RASIP1: variants seen among roughly 807,000 people sequenced by gnomAD.
The protein encoded by RASIP1 is Ras interacting protein 1, also known as ras-interacting protein 1.
A neutral mutation model predicts 85.3 loss-of-function variants in RASIP1; 20 were observed. The ratio of observed to expected loss-of-function variants is 0.23; its 90% CI spans 0.17 to 0.34. The LOEUF is 0.34. RASIP1 is among the 10% of genes least tolerant of loss of function. The pLI, the probability that RASIP1 is intolerant of heterozygous loss-of-function variation, is 1.00. For synonymous variants in RASIP1, 617 were observed against 647.1 expected (o/e 0.95, Z 0.71); for missense variants, 1,170 against 1,390.9 (o/e 0.84, Z 2.53).
At chr19:48,727,869 G>C (rs1411370741) in intron 5 of RASIP1, among the ~76,000 whole-genome samples, 2 of 151,488 alleles carry the variant, frequency 1.3e-5, no homozygotes, top group Non-Finnish European at 2.9e-5. Flanking sequence ...TGCATTTTTA[G>C]TAGAGACGGG....
At position 48,724,501 on chromosome 19, in the gene RASIP1, G is replaced by A. The variant is rs749820608; in HGVS notation, c.2380C>T (p.Arg794Trp). 7.3e-5 allele frequency: 118 copies of A among 1,613,748 alleles called. No homozygotes were observed. Among genetic ancestry groups the A allele is most frequent in the Non-Finnish European group, 8.6e-5 (102 of 1,179,884 alleles). ...GCTCGGGACCATTGATAGAAAGGCC[G>A]GCCTTGACCTGTGGGTGTTAAAGGT... ...LNSLMERGQG[R>W]PFYQWSRAVQ... is the part of the protein sequence containing the mutation. Residue 794 changes from arginine to tryptophan, a missense_variant, in exon 10 of 12, where the codon CGG becomes TGG. By Grantham distance (101) the Arg-to-Trp change is moderately radical. This residue lies in a region of RASIP1 where 426 missense variants were observed against 576.2 expected (regional missense o/e 0.74). Transcript: ENST00000222145. This position sits in a 1 kb window ranked among gnomAD's most constrained non-coding sequence, Gnocchi z 4.6.
At chr19:48,728,189 T>C (rs951025912) in intron 5 of RASIP1, among the ~76,000 whole-genome samples, 3 of 152,186 alleles carry the variant, frequency 2.0e-5, no homozygotes, top group Admixed American at 1.3e-4. Context: ...GGTTTCTTTC[T>C]GGAACTTCCA....
rs1163089084 is a variant in RASIP1, at chr19:48,729,542, C to T, written c.1228G>A (p.Gly410Ser). The T allele has an allele frequency of 2.5e-6, 4 of 1,602,698 alleles. No individual in the cohort carries two copies. Among genetic ancestry groups the T allele is most frequent in the Non-Finnish European group, 3.4e-6 (4 of 1,175,094 alleles). The change falls in exon 5 of 12, where the codon GGT (glycine) becomes AGT (serine). Residue 410 changes from glycine to serine, a missense_variant. By Grantham distance (56) the Gly-to-Ser change is moderately conservative. Transcript: ENST00000222145. The stretch of plus-strand genomic sequence containing the variant: ...CCCCCGCGGCCAGACGAGTTCCCAC[C>T]TCGCCCAAACACGTGCTGCTCTCGC... ...MTREQHVFGR[G>S]GNSSGRGGSP...
At chr19:48,725,633 A>T (rs2033329875) in intron 8 of RASIP1, 1 of 152,254 alleles carries the variant, frequency 6.6e-6, no homozygotes, top group Admixed American at 6.5e-5. Flanking sequence ...GCACTCAGAG[A>T]AAAAGATCTG....
Position 48,739,495 on chromosome 19 carries a change from C to T in RASIP1, c.288G>A (p.Ser96=), listed in dbSNP as rs528836672. The change falls in exon 3 of 12, where the codon TCG becomes TCA. Residue 96 remains serine (S), a synonymous_variant. Coordinates refer to ENST00000222145, the MANE Select transcript of RASIP1 (RefSeq NM_017805.3). This position sits in a 1 kb window ranked among gnomAD's most constrained non-coding sequence, Gnocchi z 9.2. ...AKRISQLFRG[S]GTGTTGSSGA... Reference sequence around the variant, plus strand: ...CGCTGGACCCCGTGGTCCCGGTCCCCGAGCCCCGGAAGAGCTGGGAGATGC... The same window carrying T: ...CGCTGGACCCCGTGGTCCCGGTCCCTGAGCCCCGGAAGAGCTGGGAGATGC... The T allele has an allele frequency of 1.4e-4, 217 of 1,507,896 alleles. 2 individuals are homozygous for T. Among genetic ancestry groups the T allele is most frequent in the Admixed American group, 3.5e-4 (17 of 48,936 alleles). The allele number at this position is 1,507,896 out of a possible 1,614,324, so 93.4% of individuals were successfully genotyped here. A position where few individuals can be genotyped will look rare whatever the true frequency, so the allele number is the denominator to read the frequency against.
intron 10 of RASIP1, among the ~76,000 whole-genome samples, chr19:48,723,613 C>T (rs1174366844): frequency 6.6e-6 from 1 of 150,854 alleles, no homozygotes; most frequent in African/African-American, 2.5e-5. Context: ...CCTGTCCTAC[C>T]TGATTCTGTT....
Position 48,729,250 on chromosome 19 carries a change from G to T in RASIP1, c.1520C>A (p.Pro507His). The T allele has an allele frequency of 6.9e-7, 1 of 1,455,670 alleles. No individual in the cohort carries two copies. The highest frequency in any genetic ancestry group is 9.0e-7 in the Non-Finnish European group (1 of 1,110,168). 90.2% of individuals were successfully genotyped at this position (1,455,670 alleles called of 1,614,324 possible). ...GCCAGGGCCTGGCGGCGTGGCCCCG[G>T]GGCGCGCGGGCAGCCACGGCGGCCT... ...PARPPWLPAR[P>H]GATPPGPGWA... Residue 507 changes from proline to histidine, a missense_variant, in exon 5 of 12, where the codon CCC (proline) becomes CAC (histidine). By Grantham distance (77) the Pro-to-His change is moderately conservative. Around this residue, in one of 4 missense-constraint regions of RASIP1, gnomAD observed 426 missense variants for 576.2 expected, o/e 0.74. Transcript: ENST00000222145.
chr19:48,725,128 A>AGAAG, intron 8 of RASIP1, 168 bp from the exon 9 acceptor site: 1 of 718,848 alleles, frequency 1.4e-6, no homozygotes, highest in East Asian at 2.7e-5. Context: ...CCTACTTGAT[A>AGAAG]GAAGGGTATA....
In RASIP1 at chr19:48,724,388, T is replaced by C; in HGVS notation, c.2493A>G (p.Lys831=). 4 of 1,613,442 alleles carry C rather than the reference T, an allele frequency of 2.5e-6. No individual in the cohort carries two copies. Among genetic ancestry groups the C allele is most frequent in the Non-Finnish European group, 3.4e-6 (4 of 1,179,842 alleles). Residue 831 remains lysine (K), a synonymous_variant, in exon 10 of 12, where the codon AAA becomes AAG. Coordinates refer to ENST00000222145, the MANE Select transcript of RASIP1 (RefSeq NM_017805.3). This position sits in a 1 kb window ranked among gnomAD's most constrained non-coding sequence, Gnocchi z 4.6. ...LGDIATEFFR[K]LSMAVNLLCV... is the part of the protein sequence containing the mutation. ...AGAGCAGGTTCACAGCCATGGAGAG[T>C]TTCCGGAAGAACTCAGTGGCAATGT...
At position 48,735,404 on chromosome 19, in the gene RASIP1, C is replaced by T; in HGVS notation, c.971G>A (p.Arg324Gln). Residue 324 changes from arginine (R) to glutamine (Q), a missense_variant, in exon 4 of 12, where the codon CGG becomes CAG. Around this residue, in one of 4 missense-constraint regions of RASIP1, gnomAD observed 301 missense variants for 294.8 expected, o/e 1.02. Transcript: ENST00000222145. ...AAGGCTAAGCTCCGACACGCTGCGC[C>T]GCAAAGACAAGTTTTCTGAGCGCTC... ...GKERSENLSLRRSVSELSLQG... is the reference protein window; with the variant it reads ...GKERSENLSLQRSVSELSLQG... The T allele has an allele frequency of 6.2e-7, 1 of 1,612,660 alleles. No individual in the cohort carries two copies. Among genetic ancestry groups the T allele is most frequent in the Non-Finnish European group, 8.5e-7 (1 of 1,179,668 alleles).
chr19:48,720,799 C>T lies in RASIP1; in HGVS notation c.2891G>A (p.Ter964=). ...CGCGCGCTCGTTTGGTATTGGTTCT[C>T]AAGGAGACGTGGCCACGGGAGGCCC... The part of the protein sequence containing the change: ...RHGPPVATSP[*] Residue 964 remains the stop codon, a stop_retained_variant, in exon 12 of 12, where the codon TGA becomes TAA. Coordinates refer to ENST00000222145, the MANE Select transcript of RASIP1 (RefSeq NM_017805.3). 1 of 1,614,012 alleles carries T rather than the reference C, an allele frequency of 6.2e-7. No individual in the cohort carries two copies. Among genetic ancestry groups the T allele is most frequent in the Non-Finnish European group, 8.5e-7 (1 of 1,179,986 alleles).
At chr19:48,733,402 A>G (rs951958063) in intron 4 of RASIP1, among the ~76,000 whole-genome samples, 1 of 152,190 alleles carries the variant, frequency 6.6e-6, no homozygotes, top group Non-Finnish European at 1.5e-5. Flanking sequence ...TTTTGTACCA[A>G]TCAAGTTCTG....
In RASIP1 at chr19:48,739,147, C is replaced by A; in HGVS notation, c.636G>T (p.Ala212=). 2.2e-6 allele frequency: 3 copies of A among 1,369,192 alleles called. No individual in the cohort carries two copies. Among genetic ancestry groups the A allele is most frequent in the Non-Finnish European group, 2.8e-6 (3 of 1,067,374 alleles). 84.8% of individuals were successfully genotyped at this position (1,369,192 alleles called of 1,614,324 possible). ...ACTCGCCGCTTCCCACGCCCGCCGC[C>A]GCGGGCCGGCCCAGAGCGTCGCACA... ...FALCDALGRP[A]AAGVGSGEWR... is the part of the protein sequence containing the mutation. Residue 212 remains alanine, a synonymous_variant, in exon 3 of 12, where the codon GCG becomes GCT. Coordinates refer to ENST00000222145, the MANE Select transcript of RASIP1 (RefSeq NM_017805.3). This position sits in a 1 kb window ranked among gnomAD's most constrained non-coding sequence, Gnocchi z 9.2.
intron 8 of RASIP1, 58 bp downstream of exon 8, chr19:48,726,727 A>G: frequency 7.6e-7 from 1 of 1,319,770 alleles, no homozygotes; most frequent in Non-Finnish European, 1.1e-6. Context: ...AGGAAGTGAT[A>G]TTACGTGAAA....
rs2033632179 is a variant in RASIP1 at position 48,739,541 on chromosome 19, G to C, written c.242C>G (p.Ala81Gly). 1 of 1,515,642 alleles carries C rather than the reference G, an allele frequency of 6.6e-7. No homozygotes were observed. The highest frequency in any genetic ancestry group is 8.8e-7 in the Non-Finnish European group (1 of 1,136,542). 93.9% of individuals were successfully genotyped at this position (1,515,642 alleles called of 1,614,324 possible). The part of the protein sequence containing the change: ...RVGAVKAAGG[A>G]SGSRAKRISQ... ...GATGCGCTTGGCGCGGCTACCGGAG[G>C]CTCCCCCGGCCGCCTTGACAGCGCC... is the stretch of plus-strand genomic sequence containing the variant. Residue 81 changes from alanine (A) to glycine (G), a missense_variant, in exon 3 of 12, where the codon GCC becomes GGC. Coordinates refer to ENST00000222145, the MANE Select transcript of RASIP1 (RefSeq NM_017805.3). The surrounding 1 kb of genome is among the most constrained non-coding windows in gnomAD (Gnocchi z 9.2).
intron 4 of RASIP1, 140 bp downstream of exon 4, chr19:48,735,056 T>C: frequency 1.4e-6 from 1 of 733,346 alleles, no homozygotes; most frequent in Non-Finnish European, 2.2e-6. Flanking sequence ...ATCTCTACTC[T>C]GGAACCTTGA....
At chr19:48,730,088 T>TG (rs2122448674) in intron 4 of RASIP1, among the ~76,000 whole-genome samples, 1 of 152,222 alleles carries the variant, frequency 6.6e-6, no homozygotes, top group African/African-American at 2.4e-5. Flanking sequence ...GCAACGCCAC[T>TG]GAGTGGACTC....
At chr19:48,731,179 C>T (rs757931098) in intron 4 of RASIP1, among the ~76,000 whole-genome samples, 12 of 152,094 alleles carry the variant, frequency 7.9e-5, no homozygotes, top group African/African-American at 1.7e-4. Context: ...GAGGCTGAGG[C>T]GGGAAAATCG....
chr19:48,739,146 C>T lies in RASIP1; in HGVS notation c.637G>A (p.Ala213Thr). The part of the protein sequence containing the change: ...ALCDALGRPA[A>T]AGVGSGEWRA... Reference sequence around the variant, plus strand: ...CACTCGCCGCTTCCCACGCCCGCCGCCGCGGGCCGGCCCAGAGCGTCGCAC... The same window carrying T: ...CACTCGCCGCTTCCCACGCCCGCCGTCGCGGGCCGGCCCAGAGCGTCGCAC... Residue 213 changes from alanine to threonine, a missense_variant, in exon 3 of 12, where the codon GCG becomes ACG. By Grantham distance (58) the Ala-to-Thr change is moderately conservative. Around this residue, in one of 4 missense-constraint regions of RASIP1, gnomAD observed 299 missense variants for 394.4 expected, o/e 0.76. Transcript: ENST00000222145. The surrounding 1 kb of genome is among the most constrained non-coding windows in gnomAD (Gnocchi z 9.2). The T allele has an allele frequency of 2.9e-6, 4 of 1,368,540 alleles. No individual in the cohort carries two copies. Among genetic ancestry groups the T allele is most frequent in the Non-Finnish European group, 3.7e-6 (4 of 1,066,992 alleles). 84.8% of individuals were successfully genotyped at this position (1,368,540 alleles called of 1,614,324 possible). A position where few individuals can be genotyped will look rare whatever the true frequency, so the allele number is the denominator to read the frequency against.
Sources: gnomAD v4.1 joint callset for allele counts (sites outside exome capture counted in the v4.1 genomes callset) on GRCh38, gnomAD v4.1.1 for gene constraint, gnomAD v4.1.1 regional missense constraint, Gnocchi (gnomAD v3.1) non-coding constraint, MANE v1.5 for transcripts, NCBI Gene and HGNC (gene_info 2026-07-23, HGNC 2026-07-21) for gene names.